Variants in EPHA7 observed in about 807,000 individuals in gnomAD.
EPHA7 encodes EPH receptor A7.
A neutral mutation model predicts 112.6 loss-of-function variants in EPHA7; 25 were observed. That is an observed-to-expected ratio of 0.22 (90% CI 0.16 to 0.31). EPHA7 has a LOEUF of 0.31. Ranked by LOEUF, EPHA7 falls within the 10% of genes least tolerant of loss-of-function variation. The pLI, the probability that EPHA7 is intolerant of heterozygous loss-of-function variation, is 1.00. For synonymous variants in EPHA7, 437 were observed against 406.5 expected (o/e 1.07, Z -0.90); for missense variants, 962 against 1,212.6 (o/e 0.79, Z 3.07).
At chr6:93,339,004 C>A (rs1775011935) in intron 5 of EPHA7, among the ~76,000 whole-genome samples, 1 of 150,042 alleles carries the variant, frequency 6.7e-6, no homozygotes. Context: ...AATATATGCA[C>A]ACATATAATA....
chr6:93,321,463 G>A (rs1774069316), intron 5 of EPHA7, among the ~76,000 whole-genome samples: 2 of 151,786 alleles, frequency 1.3e-5, no homozygotes, highest in Non-Finnish European at 2.9e-5. Flanking sequence ...TCCAATGTCT[G>A]GATATGACTG....
chr6:93,395,353 G>A (rs1778114440), intron 3 of EPHA7, among the ~76,000 whole-genome samples: 2 of 151,716 alleles, frequency 1.3e-5, no homozygotes, highest in South Asian at 4.1e-4. Context: ...GCTTTTATTA[G>A]TAGAAACTGA....
intron 5 of EPHA7, among the ~76,000 whole-genome samples, chr6:93,351,769 G>T (rs1310764836): frequency 6.6e-6 from 1 of 151,934 alleles, no homozygotes; most frequent in Non-Finnish European, 1.5e-5. Context: ...ATTTCAAAAA[G>T]TACCAGGAAC....
At position 93,344,223 on chromosome 6, in the gene EPHA7, G is replaced by A. The variant is rs187082462; in HGVS notation, c.1324+12494C>T. Among the ~76,000 whole-genome samples, 15 of 151,616 alleles carry A rather than the reference G, an allele frequency of 9.9e-5. No individual in the cohort carries two copies. The East Asian group carries it at 2.9e-3, about 29-fold the overall frequency. ...ATTTAATATTAATGATACTATCTTAGATGACAGATAGTTATAAATGCATAG... is the reference window on the plus strand; with the variant it reads ...ATTTAATATTAATGATACTATCTTAAATGACAGATAGTTATAAATGCATAG... On this transcript the variant is annotated intron_variant, in intron 5 of 16. Transcript: ENST00000369303.
chr6:93,405,857 T>G (rs1437193581), intron 3 of EPHA7, among the ~76,000 whole-genome samples: 1 of 119,138 alleles, frequency 8.4e-6, no homozygotes, highest in African/African-American at 2.8e-5. Flanking sequence ...ATATAAATGA[T>G]TATAAATACT....
chr6:93,371,950 G>A (rs1469251822), intron 3 of EPHA7, among the ~76,000 whole-genome samples: 1 of 152,126 alleles, frequency 6.6e-6, no homozygotes, highest in Non-Finnish European at 1.5e-5. Flanking sequence ...AGATTGTGAA[G>A]ACATACTGTC....
At chr6:93,404,039 A>C (rs977291705) in intron 3 of EPHA7, among the ~76,000 whole-genome samples, 3 of 152,158 alleles carry the variant, frequency 2.0e-5, no homozygotes, top group African/African-American at 7.2e-5. Flanking sequence ...CAGAGGGAGC[A>C]GGGGCTTCAA....
At chr6:93,337,221 A>G (rs904792522) in intron 5 of EPHA7, among the ~76,000 whole-genome samples, 5 of 152,224 alleles carry the variant, frequency 3.3e-5, no homozygotes, top group African/African-American at 1.2e-4. Context: ...AGGTTGCTCA[A>G]TAATGTCAAA....
chr6:93,277,723 T>A (rs1391041733), intron 5 of EPHA7, among the ~76,000 whole-genome samples: 2 of 151,948 alleles, frequency 1.3e-5, no homozygotes, highest in African/African-American at 4.8e-5. Flanking sequence ...ACATACCAAT[T>A]AGGATAATGA....
At chr6:93,351,650 T>C (rs1035808438) in intron 5 of EPHA7, among the ~76,000 whole-genome samples, 6 of 152,064 alleles carry the variant, frequency 3.9e-5, no homozygotes, top group African/African-American at 1.4e-4. Flanking sequence ...TATAAATATA[T>C]GTGGAGGTCT....
chr6:93,412,137 A>G (rs1356560485), intron 2 of EPHA7, among the ~76,000 whole-genome samples: 1 of 152,050 alleles, frequency 6.6e-6, no homozygotes, highest in Admixed American at 6.6e-5. Context: ...TTCTTCGTAC[A>G]ATTATTAATA....
At chr6:93,384,560 G>A (rs773940821) in intron 3 of EPHA7, among the ~76,000 whole-genome samples, 2 of 152,020 alleles carry the variant, frequency 1.3e-5, no homozygotes, top group Non-Finnish European at 1.5e-5. Flanking sequence ...TCAAGCCCTA[G>A]CTATCTGATC....
At chr6:93,262,216 T>G (rs1218084283) in intron 9 of EPHA7, among the ~76,000 whole-genome samples, 1 of 151,404 alleles carries the variant, frequency 6.6e-6, no homozygotes, top group East Asian at 1.9e-4. Context: ...TATTCTCACA[T>G]GTTATTAAAT....
intron 5 of EPHA7, among the ~76,000 whole-genome samples, chr6:93,294,395 T>C (rs1772545161): frequency 6.6e-6 from 1 of 152,144 alleles, no homozygotes. Flanking sequence ...GGTTAAAATG[T>C]CTATTGTGAT....
chr6:93,319,647 G>C (rs1176301244), intron 5 of EPHA7, among the ~76,000 whole-genome samples: 1 of 152,052 alleles, frequency 6.6e-6, no homozygotes, highest in Admixed American at 6.6e-5. Flanking sequence ...ATTGAGAACT[G>C]GATGTAGAGT....
At chr6:93,252,358 T>A (rs927706073) in intron 14 of EPHA7, among the ~76,000 whole-genome samples, 5 of 152,042 alleles carry the variant, frequency 3.3e-5, no homozygotes, top group African/African-American at 1.2e-4. Context: ...GTTAATTGGT[T>A]CACTTGATAA....
In EPHA7 at chr6:93,269,643, G is replaced by A. The variant is rs745935652; in HGVS notation, c.1467C>T (p.Thr489=). 1 of 1,551,788 alleles carries A rather than the reference G, an allele frequency of 6.4e-7. No individual in the cohort carries two copies. Among genetic ancestry groups the A allele is most frequent in the Non-Finnish European group, 8.7e-7 (1 of 1,154,484 alleles). ...KYYEKDQRER[T]YSTVKTKSTS... The stretch of plus-strand genomic sequence containing the variant: ...TAGACTTGGTTTTTACTGTTGAGTA[G>A]GTCCGTTCCCTTTGATCCTAGAAAC... The change falls in exon 7 of 17, where the codon ACC becomes ACT. Residue 489 remains threonine (T), a synonymous_variant. Transcript: ENST00000369303.
chr6:93,256,990 A>T (rs1000041843), intron 12 of EPHA7, among the ~76,000 whole-genome samples: 2 of 152,120 alleles, frequency 1.3e-5, no homozygotes, highest in African/African-American at 4.8e-5. Context: ...TTACAAATAA[A>T]CCACATACCA....
intron 9 of EPHA7, among the ~76,000 whole-genome samples, chr6:93,259,682 G>A (rs867281726): frequency 6.6e-6 from 1 of 151,940 alleles, no homozygotes; most frequent in African/African-American, 2.4e-5. Flanking sequence ...ATAGGATCCA[G>A]CTCATAGGTT....
Sources: allele counts gnomAD v4.1 joint callset (sites outside exome capture counted in the v4.1 genomes callset), GRCh38; gene constraint gnomAD v4.1.1; transcripts MANE v1.5; gene names NCBI Gene and HGNC (gene_info 2026-07-23, HGNC 2026-07-21).